The following CD226 variants were observed in gnomAD, a reference collection of about 807,000 sequenced individuals.
CD226 encodes CD226 antigen.
A neutral mutation model predicts 34.9 loss-of-function variants in CD226; 24 were observed. That is an observed-to-expected ratio of 0.69 (90% confidence interval 0.50 to 0.97). The LOEUF (loss-of-function observed/expected upper bound fraction) is 0.97, where lower values mean the gene tolerates loss of function less well. Ranked by LOEUF, CD226 falls within the 50% of genes least tolerant of loss-of-function variation. The pLI, the probability that CD226 is intolerant of heterozygous loss-of-function variation, is 0.00. For missense variants in CD226, 397 were observed against 412.7 expected, an observed-to-expected ratio of 0.96 and a Z score of 0.33; for synonymous variants, 148 against 147.4, an observed-to-expected ratio of 1.00 and a Z score of -0.03.
In CD226 at chr18:69,856,718, A is replaced by G. The variant is rs572298524; in HGVS notation, c.*7596T>C. On this transcript the variant is annotated 3_prime_UTR_variant, in exon 6 of 6. Coordinates refer to ENST00000582621, the MANE Select transcript of CD226 (RefSeq NM_001303618.2). ...ATTGTAAATAATTCATGGCTCAAAG[A>G]AGAAATATCAAAAGAAATTTTAAAA... The G allele has an allele frequency of 2.6e-5, 4 of 152,328 alleles. No homozygotes were observed. In the East Asian group the frequency reaches 7.7e-4, roughly 29 times the overall value. 9.4% of individuals were successfully genotyped at this position (152,328 alleles called of 1,614,324 possible).
chr18:69,913,496 G>T (rs1599003271), intron 2 of CD226, among the ~76,000 whole-genome samples: 1 of 152,206 alleles, frequency 6.6e-6, no homozygotes, highest in African/African-American at 2.4e-5. Flanking sequence ...ATGAAAAACT[G>T]CCTAAAGCAA....
At chr18:69,928,855 A>G (rs979406797) in intron 2 of CD226, among the ~76,000 whole-genome samples, 2 of 152,212 alleles carry the variant, frequency 1.3e-5, no homozygotes, top group African/African-American at 4.8e-5. Flanking sequence ...AAAAATATCT[A>G]CAATTCAGAA....
At chr18:69,889,438 T>C (rs1366287973) in intron 3 of CD226, among the ~76,000 whole-genome samples, 1 of 151,678 alleles carries the variant, frequency 6.6e-6, no homozygotes, top group African/African-American at 2.4e-5. Context: ...TTTATATCTA[T>C]TCTAAATTCA....
chr18:69,871,737 A>G (rs2145188010), intron 4 of CD226, among the ~76,000 whole-genome samples: 1 of 152,336 alleles, frequency 6.6e-6, no homozygotes, highest in Non-Finnish European at 1.5e-5. Context: ...AAATTTATCA[A>G]CATCCGGGAG....
intron 2 of CD226, among the ~76,000 whole-genome samples, chr18:69,938,841 T>C (rs1168675140): frequency 2.0e-5 from 3 of 152,198 alleles, no homozygotes; most frequent in Admixed American, 2.0e-4. Flanking sequence ...TTCCAGCACT[T>C]TGGGAGGCCA....
At position 69,867,562 on chromosome 18, in the gene CD226, C is replaced by T. The variant is rs1983229481; in HGVS notation, c.831-151G>A. On this transcript the variant is annotated intron_variant, in intron 4 of 5. Transcript: ENST00000582621. ...TGCACATTTATCCAAAATTCTGTTA[C>T]CCTACAGTTTTTTTCATTTTCCCTG... 1.1e-5 allele frequency: 6 copies of T among 569,844 alleles called. No homozygotes were observed. In the Middle Eastern group the frequency reaches 1.7e-3, roughly 157 times the overall value. 35.3% of individuals were successfully genotyped at this position (569,844 alleles called of 1,614,324 possible).
chr18:69,946,199 A>G lies in CD226; in HGVS notation c.382+535T>C, dbSNP rs1344085333. Among the ~76,000 whole-genome samples, 36 of 149,040 alleles carry G rather than the reference A, an allele frequency of 2.4e-4. 1 individual carries two copies. Among genetic ancestry groups the G allele is most frequent in the African/African-American group, 8.5e-4 (35 of 41,118 alleles). On this transcript the variant is annotated intron_variant, in intron 2 of 5. Transcript: ENST00000582621. ...CTCCATCAAAAAAAAAAAAAAAAAAAAAAAAAAAAGAAGGAAGAAGAAAGA... is the reference window on the plus strand; with the variant it reads ...CTCCATCAAAAAAAAAAAAAAAAAAGAAAAAAAAAGAAGGAAGAAGAAAGA...
At chr18:69,897,238 G>A (rs550343044) in intron 2 of CD226, among the ~76,000 whole-genome samples, 8 of 152,216 alleles carry the variant, frequency 5.3e-5, no homozygotes, top group East Asian at 3.9e-4. Flanking sequence ...CAGATATAGC[G>A]TACATAAACA....
chr18:69,855,773 A>T lies in CD226; in HGVS notation c.*8541T>A, dbSNP rs1011627586. ...AAAAAGAAAGAACGAGTGCAAGGAT[A>T]GAAAAGTTACAAACATAGTAGATAT... On this transcript the variant is annotated 3_prime_UTR_variant, in exon 6 of 6. Coordinates refer to ENST00000582621, the MANE Select transcript of CD226 (RefSeq NM_001303618.2). 6 of 152,208 alleles carry T rather than the reference A, an allele frequency of 3.9e-5. No individual in the cohort carries two copies. The highest frequency in any genetic ancestry group is 1.2e-4 in the African/African-American group (5 of 41,470). 9.4% of individuals were successfully genotyped at this position (152,208 alleles called of 1,614,324 possible).
At chr18:69,896,168 C>A (rs1714566132) in intron 2 of CD226, 123 bp from the exon 3 acceptor site, 5 of 1,426,078 alleles carry the variant, frequency 3.5e-6, no homozygotes, top group Non-Finnish European at 4.5e-6. Flanking sequence ...TTGTGAATGA[C>A]CTCTTTATAC....
chr18:69,957,756 C>T (rs973191221), upstream of CD226, among the ~76,000 whole-genome samples: 1 of 152,174 alleles, frequency 6.6e-6, no homozygotes, highest in African/African-American at 2.4e-5. Flanking sequence ...TCTCAAGACA[C>T]AAGTGTTTAC....
intron 3 of CD226, among the ~76,000 whole-genome samples, chr18:69,880,427 G>A (rs1434160827): frequency 1.3e-5 from 2 of 151,958 alleles, no homozygotes; most frequent in Non-Finnish European, 2.9e-5. Flanking sequence ...AAAGAAGAAA[G>A]AGTTGGCAAG....
At chr18:69,878,559 A>G (rs1165906695) in intron 3 of CD226, among the ~76,000 whole-genome samples, 5 of 152,152 alleles carry the variant, frequency 3.3e-5, no homozygotes, top group African/African-American at 1.2e-4. Flanking sequence ...GAGTGAAGAA[A>G]GCAAGTCACT....
At chr18:69,952,393 G>A (rs1482673309), upstream of CD226, among the ~76,000 whole-genome samples, 7 of 152,120 alleles carry the variant, frequency 4.6e-5, no homozygotes, top group African/African-American at 1.7e-4. Context: ...AACTGCCCTT[G>A]TACAAAACTG....
rs548110766 is a variant in CD226, at chr18:69,859,888, C to A, written c.*4426G>T. ...CAGAGTTCAAGACAAGTCTGACCAACGTGGAGAAACCCCGTCTCCACTAAA... is the reference window on the plus strand; with the variant it reads ...CAGAGTTCAAGACAAGTCTGACCAAAGTGGAGAAACCCCGTCTCCACTAAA... On this transcript the variant is annotated 3_prime_UTR_variant, in exon 6 of 6. Transcript: ENST00000582621. 1 of 152,028 alleles carries A rather than the reference C, an allele frequency of 6.6e-6. No individual in the cohort carries two copies. Among genetic ancestry groups the A allele is most frequent in the Non-Finnish European group, 1.5e-5 (1 of 68,034 alleles). The allele number at this position is 152,028 out of a possible 1,614,324, so 9.4% of individuals were successfully genotyped here.
chr18:69,911,067 A>C (rs1225499059), intron 2 of CD226, among the ~76,000 whole-genome samples: 1 of 152,212 alleles, frequency 6.6e-6, no homozygotes, highest in East Asian at 1.9e-4. Context: ...GAGTTAGCTC[A>C]ACATACTGGT....
intron 3 of CD226, among the ~76,000 whole-genome samples, chr18:69,876,958 G>T (rs1446172030): frequency 2.1e-5 from 3 of 145,072 alleles, no homozygotes; most frequent in Non-Finnish European, 4.5e-5. Flanking sequence ...CCGCCTCCCA[G>T]GTTCAAGTGA....
intron 3 of CD226, among the ~76,000 whole-genome samples, chr18:69,886,060 G>C (rs1193751737): frequency 2.6e-5 from 4 of 152,144 alleles, no homozygotes; most frequent in African/African-American, 9.7e-5. Context: ...TGAGTCTCCT[G>C]ATGAGAGTAG....
At chr18:69,916,568 A>G (rs1359855461) in intron 2 of CD226, among the ~76,000 whole-genome samples, 4 of 152,234 alleles carry the variant, frequency 2.6e-5, no homozygotes, top group African/African-American at 7.2e-5. Flanking sequence ...TACAAAAAGT[A>G]TATTTGTTTT....
Sources: allele counts gnomAD v4.1 joint callset (sites outside exome capture counted in the v4.1 genomes callset), GRCh38; gene constraint gnomAD v4.1.1; transcripts MANE v1.5; gene names NCBI Gene and HGNC (gene_info 2026-07-23, HGNC 2026-07-21).